GPR137C: variants seen among roughly 807,000 people sequenced by gnomAD.
The protein encoded by GPR137C is integral membrane protein GPR137C.
Under a neutral mutation model 43.4 loss-of-function variants are expected in GPR137C, and 27 were observed. That is an observed-to-expected ratio of 0.62 (90% CI 0.46 to 0.86). The LOEUF (loss-of-function observed/expected upper bound fraction) is 0.86, where lower values mean the gene tolerates loss of function less well. Ranked by LOEUF, GPR137C falls within the 40% of genes least tolerant of loss-of-function variation. The pLI is 0.00. For synonymous variants in GPR137C, 285 were observed against 226.9 expected, an observed-to-expected ratio of 1.26 and a Z score of -2.30; for missense variants, 522 against 534.6, an observed-to-expected ratio of 0.98 and a Z score of 0.23.
At chr14:52,579,116 A>G (rs2038607127) in intron 1 of GPR137C, among the ~76,000 whole-genome samples, 1 of 152,152 alleles carries the variant, frequency 6.6e-6, no homozygotes, top group South Asian at 2.1e-4. Flanking sequence ...AAAATATTCT[A>G]ATCTTTCAAA....
intron 1 of GPR137C, among the ~76,000 whole-genome samples, chr14:52,568,755 C>T (rs374088373): frequency 6.6e-5 from 10 of 152,254 alleles, no homozygotes; most frequent in African/African-American, 2.4e-4. Flanking sequence ...TTTCTCCTCT[C>T]TGAGCAGGGC....
chr14:52,610,412 T>C (rs2039026168), intron 3 of GPR137C, among the ~76,000 whole-genome samples: 1 of 152,290 alleles, frequency 6.6e-6, no homozygotes, highest in Non-Finnish European at 1.5e-5. Flanking sequence ...TCAACCTCAG[T>C]CTGAAAATAG....
chr14:52,619,710 A>C (rs2039138242), intron 3 of GPR137C, among the ~76,000 whole-genome samples: 1 of 152,094 alleles, frequency 6.6e-6, no homozygotes, highest in South Asian at 2.1e-4. Flanking sequence ...CAGATAGCCC[A>C]CCCAGTAAAA....
chr14:52,634,338 A>G (rs1252304506), intron 6 of GPR137C, among the ~76,000 whole-genome samples: 1 of 152,138 alleles, frequency 6.6e-6, no homozygotes, highest in Non-Finnish European at 1.5e-5. Flanking sequence ...CTTAATTGCC[A>G]TAGGAAATGT....
At chr14:52,559,566 A>G (rs2038249011) in intron 1 of GPR137C, among the ~76,000 whole-genome samples, 1 of 152,094 alleles carries the variant, frequency 6.6e-6, no homozygotes, top group African/African-American at 2.4e-5. Flanking sequence ...TCAGTCTAAT[A>G]AAAAGCATCT....
intron 3 of GPR137C, among the ~76,000 whole-genome samples, chr14:52,606,410 A>G (rs1451047091): frequency 1.3e-5 from 2 of 151,858 alleles, no homozygotes; most frequent in African/African-American, 4.8e-5. Context: ...TTTATTTTAC[A>G]TGAATAGTGC....
At chr14:52,627,676 T>A (rs901673889) in intron 3 of GPR137C, among the ~76,000 whole-genome samples, 16 of 151,912 alleles carry the variant, frequency 1.1e-4, no homozygotes, top group South Asian at 2.1e-4. Flanking sequence ...AAACCCCATC[T>A]CTACTAAAAA....
At chr14:52,631,193 G>A (rs1300466176) in intron 3 of GPR137C, among the ~76,000 whole-genome samples, 5 of 152,138 alleles carry the variant, frequency 3.3e-5, no homozygotes, top group African/African-American at 9.7e-5. Context: ...ATAAACAGGT[G>A]TTTCATCTTC....
At chr14:52,584,659 T>G (rs910050888) in intron 1 of GPR137C, among the ~76,000 whole-genome samples, 1 of 152,186 alleles carries the variant, frequency 6.6e-6, no homozygotes, top group East Asian at 1.9e-4. Flanking sequence ...TTGCCCAGGC[T>G]GGAGTGCAGT....
chr14:52,587,161 T>C (rs1182786254), intron 1 of GPR137C, among the ~76,000 whole-genome samples: 1 of 152,210 alleles, frequency 6.6e-6, no homozygotes, highest in Non-Finnish European at 1.5e-5. Context: ...AAACACTGTC[T>C]GAAAACCTAC....
chr14:52,589,153 C>A (rs2038749697), intron 1 of GPR137C, among the ~76,000 whole-genome samples: 1 of 152,134 alleles, frequency 6.6e-6, no homozygotes, highest in South Asian at 2.1e-4. Flanking sequence ...TATGAATCTA[C>A]TTATATGAGG....
At chr14:52,612,592 C>G in intron 3 of GPR137C, 4 of 788,872 alleles carry the variant, frequency 5.1e-6, no homozygotes, top group Non-Finnish European at 4.6e-6. Flanking sequence ...GACACATTCT[C>G]ACTGTGTCAC....
intron 1 of GPR137C, among the ~76,000 whole-genome samples, chr14:52,574,742 A>G (rs745524409): frequency 3.3e-5 from 5 of 152,092 alleles, no homozygotes; most frequent in Non-Finnish European, 5.9e-5. Context: ...AAAGCAAGCG[A>G]CATTTCTTCT....
chr14:52,634,805 G>C, intron 6 of GPR137C, 133 bp from the exon 7 acceptor site: 1 of 718,674 alleles, frequency 1.4e-6, no homozygotes, highest in Non-Finnish European at 2.3e-6. Context: ...TTTGTTATTT[G>C]ACAAAGAACA....
Position 52,637,544 on chromosome 14 carries a change from CT to C in GPR137C, c.*2435del, listed in dbSNP as rs1289814350. 6.6e-6 allele frequency: 1 copy of C among 152,058 alleles called. No homozygotes were observed. Among genetic ancestry groups the C allele is most frequent in the Non-Finnish European group, 1.5e-5 (1 of 67,982 alleles). The allele number at this position is 152,058 out of a possible 1,614,324, so 9.4% of individuals were successfully genotyped here. On this transcript the variant is annotated 3_prime_UTR_variant, in exon 7 of 7. Transcript: ENST00000321662. ...AAAATGTAATTTATAGCTAAAGTGG[CT>C]TTTTTATGCATAGCTGCCTTTTTTA...
At chr14:52,581,195 CAAAAA>C (rs71125115) in intron 1 of GPR137C, among the ~76,000 whole-genome samples, 1 of 83,550 alleles carries the variant, frequency 1.2e-5, no homozygotes, top group Non-Finnish European at 2.4e-5. Context: ...GACTTCTTCT[CAAAAA>C]AAAAAAAAAA....
At chr14:52,601,507 T>TAG (rs1474310176) in intron 3 of GPR137C, among the ~76,000 whole-genome samples, 10 of 151,140 alleles carry the variant, frequency 6.6e-5, no homozygotes, top group Admixed American at 2.6e-4. Flanking sequence ...TGTATATATA[T>TAG]ATAGAGAGAG....
At chr14:52,596,859 AC>A (rs2038862541) in intron 1 of GPR137C, 3 of 451,710 alleles carry the variant, frequency 6.6e-6, no homozygotes, top group South Asian at 4.7e-5. Context: ...AATGAGATGA[AC>A]CAGGTACCTC....
intron 1 of GPR137C, among the ~76,000 whole-genome samples, chr14:52,579,647 C>T (rs528443770): frequency 6.6e-6 from 1 of 152,026 alleles, no homozygotes; most frequent in African/African-American, 2.4e-5. Flanking sequence ...AGTGAAAGGA[C>T]GTAGAGTCAA....
Sources: gnomAD v4.1 joint callset for allele counts (sites outside exome capture counted in the v4.1 genomes callset) on GRCh38, gnomAD v4.1.1 for gene constraint, MANE v1.5 for transcripts, NCBI Gene and HGNC (gene_info 2026-07-23, HGNC 2026-07-21) for gene names.